DNAH17: variants seen among roughly 807,000 people sequenced by gnomAD.
DNAH17 encodes the protein axonemal beta dynein heavy chain 17.
DNAH17 carries 376 observed loss-of-function variants against 485.6 expected under a neutral mutation model. The observed-to-expected ratio is 0.77, with a 90% CI of 0.71 to 0.84. The LOEUF is 0.84. Ranked by LOEUF, DNAH17 falls within the 40% of genes least tolerant of loss-of-function variation. The probability of loss-of-function intolerance (pLI) is 0.00; values close to 1 mark genes in which losing one functional copy is unlikely to be tolerated. For missense variants in DNAH17, 6,370 were observed against 5,839.3 expected (o/e 1.09, Z -2.96); for synonymous variants, 3,031 against 2,405.9 (o/e 1.26, Z -7.60).
At chr17:78,449,380 G>A (rs770461531) in intron 69 of DNAH17, 34 bp downstream of exon 69, 37 of 1,521,338 alleles carry the variant, frequency 2.4e-5, no homozygotes, top group East Asian at 1.0e-4. Flanking sequence ...GCTGGTCCAC[G>A]GACCACACTA....
At chr17:78,468,167 AAAT>A (rs2088573265) in intron 55 of DNAH17, among the ~76,000 whole-genome samples, 1 of 151,874 alleles carries the variant, frequency 6.6e-6, no homozygotes, top group African/African-American at 2.4e-5. Context: ...TGTTAAAAAA[AAAT>A]AATAAAAAAT....
At chr17:78,571,839 C>G in intron 3 of DNAH17, 57 bp from the exon 4 acceptor site, 2 of 1,476,070 alleles carry the variant, frequency 1.4e-6, no homozygotes, top group Non-Finnish European at 1.8e-6. Flanking sequence ...TGGGTCCCAC[C>G]AAGCTCTCCC....
In DNAH17 at chr17:78,439,188, C is replaced by A; in HGVS notation, c.11707G>T (p.Gly3903Ter). 1 of 1,613,314 alleles carries A rather than the reference C, an allele frequency of 6.2e-7. No individual in the cohort carries two copies. The highest frequency in any genetic ancestry group is 1.1e-5 in the South Asian group (1 of 91,034). ...CCCAGGGACACATTATGGAGTTTTC[C>A]ATTGTCTATGGTAAACCCTAGTTTT... is the stretch of plus-strand genomic sequence containing the variant. ...GKKLGFTIDN[G>*]KLHNVSLGQG... The change falls in exon 73 of 81, where the codon GGA becomes TGA. Residue 3903 changes from glycine to a stop codon, truncating the protein, a stop_gained. Coordinates refer to ENST00000389840, the MANE Select transcript of DNAH17 (RefSeq NM_173628.4). LOFTEE classifies it high-confidence loss of function.
At chr17:78,571,852 G>A in intron 3 of DNAH17, 70 bp from the exon 4 acceptor site, 14 of 1,430,220 alleles carry the variant, frequency 9.8e-6, no homozygotes, top group Non-Finnish European at 1.3e-5. Context: ...GCTCTCCCAT[G>A]AATCCTTCTG....
chr17:78,553,094 C>T (rs1568244431), intron 14 of DNAH17, among the ~76,000 whole-genome samples: 1 of 151,760 alleles, frequency 6.6e-6, no homozygotes, highest in Non-Finnish European at 1.5e-5. Flanking sequence ...TGTAGCACCT[C>T]CCCCACTTCT....
chr17:78,554,401 C>T (rs1006334125), intron 14 of DNAH17, among the ~76,000 whole-genome samples: 12 of 127,346 alleles, frequency 9.4e-5, no homozygotes, highest in African/African-American at 3.3e-4. Context: ...CGCACCACTG[C>T]ACTCCAGCCT....
chr17:78,561,691 C>A, intron 12 of DNAH17, 24 bp downstream of exon 12: 1 of 1,579,876 alleles, frequency 6.3e-7, no homozygotes. Flanking sequence ...GGGGTGCCTG[C>A]CCCTGCCCAG....
Position 78,434,135 on chromosome 17 carries a change from C to T in DNAH17, c.12119G>A (p.Arg4040Lys). 2 of 1,613,674 alleles carry T rather than the reference C, an allele frequency of 1.2e-6. No homozygotes were observed. Among genetic ancestry groups the T allele is most frequent in the Non-Finnish European group, 1.7e-6 (2 of 1,179,852 alleles). ...CCAGCCCTGGGCGCCGAACTTGCGC[C>T]TCTCTGCCACCACAGCGTGGAAGTA... is the stretch of plus-strand genomic sequence containing the variant. ...LCYFHAVVAE[R>K]RKFGAQGWNR... is the part of the protein sequence containing the mutation. The change falls in exon 75 of 81, where the codon AGG becomes AAG. Residue 4040 changes from arginine to lysine, a missense_variant. Transcript: ENST00000389840.
Position 78,460,313 on chromosome 17 carries a change from GGCGTGTACGT to G in DNAH17, c.9340-66_9340-57del. The stretch of plus-strand genomic sequence containing the variant: ...GCAGGCCTGTCCATGTGCCTGTGGG[GGCGTGTACGT>G]GCATGTGTGTGCATGTGTGTGCATG... On this transcript the variant is annotated intron_variant, in intron 58 of 80. Transcript: ENST00000389840. 10 of 1,198,826 alleles carry G rather than the reference GGCGTGTACGT, an allele frequency of 8.3e-6. No individual in the cohort carries two copies. In the African/African-American group the frequency reaches 1.5e-4, roughly 17 times the overall value. 74.3% of individuals were successfully genotyped at this position (1,198,826 alleles called of 1,614,324 possible).
chr17:78,454,224 C>T lies in DNAH17; in HGVS notation c.10406+246G>A, dbSNP rs117266855. The stretch of plus-strand genomic sequence containing the variant: ...AGCAAATGGCCAAGCGGGAGGCAAC[C>T]CCAGGCCTGAGCCTCCGTCTCACTC... On this transcript the variant is annotated intron_variant, in intron 64 of 80. Transcript: ENST00000389840. Among the ~76,000 whole-genome samples, 36 of 152,330 alleles carry T rather than the reference C, an allele frequency of 2.4e-4. No individual in the cohort carries two copies. The East Asian group carries it at 6.9e-3, about 29-fold the overall frequency.
chr17:78,562,076 G>A, intron 11 of DNAH17, 96 bp from the exon 12 acceptor site: 1 of 1,411,802 alleles, frequency 7.1e-7, no homozygotes, highest in South Asian at 1.5e-5. Context: ...ATCTTCAGGA[G>A]TGAGAGAATG....
intron 47 of DNAH17, 41 bp downstream of exon 47, chr17:78,485,509 G>A (rs1264401014): frequency 2.0e-6 from 3 of 1,528,600 alleles, no homozygotes; most frequent in South Asian, 1.2e-5. Context: ...GGACTGGCGG[G>A]GGGCAGCCGG....
intron 16 of DNAH17, among the ~76,000 whole-genome samples, chr17:78,550,041 G>A (rs1322367158): frequency 6.6e-6 from 1 of 152,204 alleles, no homozygotes; most frequent in Non-Finnish European, 1.5e-5. Context: ...CACGTGCAGA[G>A]ACAGACAAGA....
chr17:78,450,774 G>A lies in DNAH17; in HGVS notation c.10807C>T (p.Leu3603=). The stretch of plus-strand genomic sequence containing the variant: ...AGAAAGTTCCCCGACGCAGCCGACA[G>A]ACGGGCCAGGAGCGAATCTTCCAGC... ...KELEDSLLAR[L]SAASGNFLGD... The change falls in exon 67 of 81, where the codon CTG becomes TTG. Residue 3603 remains leucine (L), a synonymous_variant. Transcript: ENST00000389840. 6.2e-7 allele frequency: 1 copy of A among 1,614,076 alleles called. No homozygotes were observed. The highest frequency in any genetic ancestry group is 8.5e-7 in the Non-Finnish European group (1 of 1,179,908).
At chr17:78,567,890 G>A (rs911390981) in intron 9 of DNAH17, among the ~76,000 whole-genome samples, 1 of 152,140 alleles carries the variant, frequency 6.6e-6, no homozygotes, top group African/African-American at 2.4e-5. Context: ...ATGCTCTTCT[G>A]TGCCCCTGCA....
In DNAH17 at chr17:78,465,462, T is replaced by C. The variant is rs200921901; in HGVS notation, c.8940+1193A>G. ...AAAGTGAGGAGCGTCTCCGCCCGGC[T>C]GCCATCCCACCTAGGAAGTGAGGAA... On this transcript the variant is annotated intron_variant, in intron 56 of 80. Coordinates refer to ENST00000389840, the MANE Select transcript of DNAH17 (RefSeq NM_173628.4). Among the ~76,000 whole-genome samples the C allele has an allele frequency of 4.8e-3, 653 of 136,568 alleles. 6 individuals are homozygous for C. The highest frequency in any genetic ancestry group is 0.015 in the African/African-American group (559 of 36,826). 89.6% of individuals were successfully genotyped at this position (136,568 alleles called of 152,430 possible).
chr17:78,524,889 C>T lies in DNAH17; in HGVS notation c.3864+120G>A, dbSNP rs1306244885. 2.8e-6 allele frequency: 4 copies of T among 1,417,828 alleles called. No homozygotes were observed. The East Asian group carries it at 9.4e-5, about 33-fold the overall frequency. The allele number at this position is 1,417,828 out of a possible 1,614,324, so 87.8% of individuals were successfully genotyped here. A position where few individuals can be genotyped will look rare whatever the true frequency, so the allele number is the denominator to read the frequency against. On this transcript the variant is annotated intron_variant, in intron 25 of 80. Transcript: ENST00000389840. ...GCCCTTCGGATGCCTCCACCCAACACCAGAAACCTTCTTGTCACATTCTTA... is the reference window on the plus strand; with the variant it reads ...GCCCTTCGGATGCCTCCACCCAACATCAGAAACCTTCTTGTCACATTCTTA...
chr17:78,570,297 C>A lies in DNAH17; in HGVS notation c.994G>T (p.Ala332Ser), dbSNP rs2092332967. Residue 332 changes from alanine to serine, a missense_variant, in exon 7 of 81, where the codon GCC (alanine) becomes TCC (serine). Coordinates refer to ENST00000389840, the MANE Select transcript of DNAH17 (RefSeq NM_173628.4). ...TCCTGCAGGATGACGATGATCCTGG[C>A]AGGTGTGTTATAGTACTCAGAGGTG... ...WATSEYYNTP[A>S]RIIVILQEFC... is the part of the protein sequence containing the mutation. The A allele has an allele frequency of 3.1e-6, 5 of 1,601,228 alleles. No homozygotes were observed. The highest frequency in any genetic ancestry group is 3.4e-6 in the Non-Finnish European group (4 of 1,174,260).
intron 26 of DNAH17, chr17:78,510,798 T>TA: frequency 3.0e-6 from 1 of 334,422 alleles, no homozygotes; most frequent in Non-Finnish European, 5.7e-6. Context: ...CGTGTCACCT[T>TA]ATTTGGAAAT....
Sources: gnomAD v4.1 joint callset for allele counts (sites outside exome capture counted in the v4.1 genomes callset) on GRCh38, gnomAD v4.1.1 for gene constraint, MANE v1.5 for transcripts, NCBI Gene and HGNC (gene_info 2026-07-23, HGNC 2026-07-21) for gene names.